Variants in C2orf42 observed in about 807,000 individuals in gnomAD.
C2orf42 encodes uncharacterized protein C2orf42.
C2orf42 carries 44 observed loss-of-function variants against 58.9 expected under a neutral mutation model. The observed-to-expected ratio is 0.75, with a 90% CI of 0.59 to 0.96. C2orf42 has a LOEUF of 0.96. C2orf42 is among the 40% of genes least tolerant of loss of function. C2orf42 has a pLI of 0.00. For synonymous variants in C2orf42, 239 were observed against 265.4 expected, an observed-to-expected ratio of 0.90 and a Z score of 0.97; for missense variants, 630 against 699.2, an observed-to-expected ratio of 0.90 and a Z score of 1.12.
At chr2:70,156,151 G>A (rs554633254) in intron 9 of C2orf42, among the ~76,000 whole-genome samples, 4 of 151,142 alleles carry the variant, frequency 2.6e-5, no homozygotes, top group South Asian at 2.1e-4. Context: ...GTGAAACTCC[G>A]TCTCAAAAAA....
intron 1 of C2orf42, among the ~76,000 whole-genome samples, chr2:70,187,065 G>C (rs1363951990): frequency 1.3e-5 from 2 of 151,732 alleles, no homozygotes; most frequent in Non-Finnish European, 2.9e-5. Flanking sequence ...TAACTAACCT[G>C]CACATTGTGC....
chr2:70,169,185 T>C (rs1343751186), intron 6 of C2orf42, among the ~76,000 whole-genome samples: 2 of 151,956 alleles, frequency 1.3e-5, no homozygotes, highest in African/African-American at 4.8e-5. Flanking sequence ...CTCTAATCTT[T>C]TTTCCCCTTG....
At chr2:70,184,817 G>A (rs113342025) in intron 1 of C2orf42, among the ~76,000 whole-genome samples, 7,864 of 151,876 alleles carry the variant, frequency 0.052, 702 homozygotes, top group African/African-American at 0.18. Context: ...TAGGCCGGGC[G>A]CAGTGGCTCA....
chr2:70,181,301 G>A lies in C2orf42; in HGVS notation c.685C>T (p.Leu229=). The A allele has an allele frequency of 6.2e-7, 1 of 1,614,010 alleles. No homozygotes were observed. Among genetic ancestry groups the A allele is most frequent in the South Asian group, 1.1e-5 (1 of 91,080 alleles). The change falls in exon 3 of 10, where the codon CTG becomes TTG. Residue 229 remains leucine, a synonymous_variant. Coordinates refer to ENST00000264434, the MANE Select transcript of C2orf42 (RefSeq NM_017880.3). ...ERRFFCSCQT[L]KSHKSNASKD... Reference sequence around the variant, plus strand: ...GAGGCATTTGACTTGTGCGATTTCAGAGTCTGACAGGAGCAGAAGAAGCGG... The same window carrying A: ...GAGGCATTTGACTTGTGCGATTTCAAAGTCTGACAGGAGCAGAAGAAGCGG...
intron 9 of C2orf42, among the ~76,000 whole-genome samples, chr2:70,153,387 CAG>C (rs1272854962): frequency 7.4e-6 from 1 of 135,526 alleles, no homozygotes; most frequent in South Asian, 2.4e-4. Flanking sequence ...TTTTTTGAGA[CAG>C]AGTTTTGCTC....
At chr2:70,179,940 A>G (rs1222858816) in intron 3 of C2orf42, among the ~76,000 whole-genome samples, 2 of 152,152 alleles carry the variant, frequency 1.3e-5, no homozygotes, top group Admixed American at 1.3e-4. Flanking sequence ...CGCTGTCTCA[A>G]AAAACAAACC....
At chr2:70,189,809 T>C (rs986644727) in intron 1 of C2orf42, among the ~76,000 whole-genome samples, 1 of 150,902 alleles carries the variant, frequency 6.6e-6, no homozygotes, top group Non-Finnish European at 1.5e-5. Flanking sequence ...GGAGGATCAC[T>C]GAGCTCAGGA....
At position 70,181,134 on chromosome 2, in the gene C2orf42, G is replaced by A. The variant is rs564526178; in HGVS notation, c.823+29C>T. The A allele has an allele frequency of 1.3e-5, 18 of 1,354,564 alleles. No homozygotes were observed. In the African/African-American group the frequency reaches 1.6e-4, roughly 12 times the overall value. 83.9% of individuals were successfully genotyped at this position (1,354,564 alleles called of 1,614,324 possible). A position where few individuals can be genotyped will look rare whatever the true frequency, so the allele number is the denominator to read the frequency against. ...CTTTTCATTGCAGTTTTAGAAAAAC[G>A]TAATAACCACATCAACCATACCACC... On this transcript the variant is annotated intron_variant, in intron 3 of 9. Coordinates refer to ENST00000264434, the MANE Select transcript of C2orf42 (RefSeq NM_017880.3).
chr2:70,179,644 T>TAA lies in C2orf42; in HGVS notation c.824-4_824-3dup, dbSNP rs748618504. 8.1e-7 allele frequency: 1 copy of TAA among 1,236,334 alleles called. No homozygotes were observed. The highest frequency in any genetic ancestry group is 1.2e-6 in the Non-Finnish European group (1 of 843,960). The allele number at this position is 1,236,334 out of a possible 1,614,324, so 76.6% of individuals were successfully genotyped here. A position where few individuals can be genotyped will look rare whatever the true frequency, so the allele number is the denominator to read the frequency against. ...GGGGTACAATAATCTCTTTAAGACC[T>TAA]AAAAAAAAGAAGATTTCTGAATTAT... On this transcript the variant is annotated splice_region_variant and splice_polypyrimidine_tract_variant and intron_variant, in intron 3 of 9. Transcript: ENST00000264434.
chr2:70,182,922 G>C lies in C2orf42; in HGVS notation c.-268C>G, dbSNP rs1674674374. On this transcript the variant is annotated 5_prime_UTR_variant, in exon 2 of 10. Transcript: ENST00000264434. ...AATAAGATTCCCACTTCCCTAAGTG[G>C]AGATCTTGATAGTCTGCGAGTAAAA... The C allele has an allele frequency of 6.6e-6, 1 of 152,004 alleles. No homozygotes were observed. The highest frequency in any genetic ancestry group is 2.4e-5 in the African/African-American group (1 of 41,388). 9.4% of individuals were successfully genotyped at this position (152,004 alleles called of 1,614,324 possible).
Position 70,150,285 on chromosome 2 carries a change from C to T in C2orf42, c.*71G>A. On this transcript the variant is annotated 3_prime_UTR_variant, in exon 10 of 10. Transcript: ENST00000264434. ...GGAACAGGGCCATCTAAGTGCCTAA[C>T]TAGCATTTAAAGTTGTCAAGGGGTG... The T allele has an allele frequency of 7.5e-7, 1 of 1,338,744 alleles. No individual in the cohort carries two copies. Among genetic ancestry groups the T allele is most frequent in the Non-Finnish European group, 1.1e-6 (1 of 941,150 alleles). 82.9% of individuals were successfully genotyped at this position (1,338,744 alleles called of 1,614,324 possible).
rs545740558 is a variant in C2orf42, at chr2:70,178,435, C to T, written c.934+1097G>A. Among the ~76,000 whole-genome samples the T allele has an allele frequency of 1.9e-4, 29 of 151,352 alleles. No homozygotes were observed. The South Asian group carries it at 3.1e-3, about 16-fold the overall frequency. ...CAGCCTGGCCAACATGGCGAAACCCCGTCTCTACTAAAAATACAAAAATTA... is the reference window on the plus strand; with the variant it reads ...CAGCCTGGCCAACATGGCGAAACCCTGTCTCTACTAAAAATACAAAAATTA... On this transcript the variant is annotated intron_variant, in intron 4 of 9. Transcript: ENST00000264434.
intron 1 of C2orf42, among the ~76,000 whole-genome samples, chr2:70,183,382 T>C (rs1674700961): frequency 6.6e-6 from 1 of 151,766 alleles, no homozygotes; most frequent in African/African-American, 2.4e-5. Context: ...AGGCTGCAAA[T>C]TGTGCCATTA....
At chr2:70,167,649 G>A (rs1469791942) in intron 6 of C2orf42, among the ~76,000 whole-genome samples, 4 of 152,000 alleles carry the variant, frequency 2.6e-5, no homozygotes, top group Non-Finnish European at 4.4e-5. Context: ...GCTGAAACAC[G>A]AGAATTTCTT....
intron 2 of C2orf42, 109 bp from the exon 3 acceptor site, chr2:70,182,106 A>ATT (rs879788771): frequency 1.4e-4 from 72 of 508,846 alleles, no homozygotes; most frequent in Non-Finnish European, 1.6e-4. Flanking sequence ...GCTATCTACT[A>ATT]TTTTTTTTTT....
intron 1 of C2orf42, among the ~76,000 whole-genome samples, chr2:70,189,992 C>T (rs939862755): frequency 2.6e-5 from 4 of 151,594 alleles, no homozygotes; most frequent in African/African-American, 9.7e-5. Flanking sequence ...TAGACACACA[C>T]ACATACAATG....
chr2:70,171,535 G>A (rs114791356), intron 5 of C2orf42, among the ~76,000 whole-genome samples: 1,771 of 151,756 alleles, frequency 0.012, 45 homozygotes, highest in African/African-American at 0.041. Flanking sequence ...TTTTGAGACC[G>A]AGTCTTGCTC....
At chr2:70,178,211 A>G (rs1415768482) in intron 4 of C2orf42, among the ~76,000 whole-genome samples, 1 of 152,216 alleles carries the variant, frequency 6.6e-6, no homozygotes, top group African/African-American at 2.4e-5. Context: ...CATTTTGTTT[A>G]GACTCTAGGT....
chr2:70,179,125 T>C (rs1161841632), intron 4 of C2orf42, among the ~76,000 whole-genome samples: 1 of 152,104 alleles, frequency 6.6e-6, no homozygotes, highest in African/African-American at 2.4e-5. Flanking sequence ...AATTAATCTG[T>C]TTAAGGGATG....
Sources: gnomAD v4.1 joint callset for allele counts (sites outside exome capture counted in the v4.1 genomes callset) on GRCh38, gnomAD v4.1.1 for gene constraint, MANE v1.5 for transcripts, NCBI Gene and HGNC (gene_info 2026-07-23, HGNC 2026-07-21) for gene names.